The following CBFA2T2 variants were observed in gnomAD, a reference collection of about 807,000 sequenced individuals.
CBFA2T2 encodes CBFA2/RUNX1 partner transcriptional co-repressor 2.
Under a neutral mutation model 62.2 loss-of-function variants are expected in CBFA2T2, and 11 were observed. That is an observed-to-expected ratio of 0.18 (90% CI 0.11 to 0.29). CBFA2T2 has a LOEUF of 0.29. Among genes scored for constraint, CBFA2T2 ranks in the 10% least tolerant of loss-of-function variants. The pLI is 1.00. For synonymous variants in CBFA2T2, 295 were observed against 287.5 expected, an observed-to-expected ratio of 1.03 and a Z score of -0.27; for missense variants, 592 against 774.1, an observed-to-expected ratio of 0.76 and a Z score of 2.79.
intron 1 of CBFA2T2, among the ~76,000 whole-genome samples, chr20:33,540,997 A>C (rs924317314): frequency 6.6e-6 from 1 of 152,212 alleles, no homozygotes; most frequent in Non-Finnish European, 1.5e-5. Flanking sequence ...AAGTTAATAA[A>C]GTAATTTGAA....
At chr20:33,534,307 T>C (rs979449563) in intron 1 of CBFA2T2, among the ~76,000 whole-genome samples, 5 of 150,800 alleles carry the variant, frequency 3.3e-5, no homozygotes, top group African/African-American at 1.2e-4. Context: ...CATTGTTTAT[T>C]TTCTTGCTGT....
chr20:33,623,057 G>C (rs2016054524), intron 4 of CBFA2T2, 58 bp from the exon 5 acceptor site: 1 of 1,547,288 alleles, frequency 6.5e-7, no homozygotes, highest in African/African-American at 1.4e-5. Context: ...AGCCCTTTGA[G>C]GTGCTGAGCC....
intron 1 of CBFA2T2, among the ~76,000 whole-genome samples, chr20:33,597,994 C>T (rs990733877): frequency 2.6e-5 from 4 of 151,880 alleles, no homozygotes; most frequent in African/African-American, 9.7e-5. Context: ...TGATGCCCCA[C>T]AAGCCGCAAA....
At chr20:33,619,969 G>C (rs1033059383) in intron 4 of CBFA2T2, among the ~76,000 whole-genome samples, 2 of 152,156 alleles carry the variant, frequency 1.3e-5, no homozygotes, top group Admixed American at 6.5e-5. Flanking sequence ...AGTGTTGTCT[G>C]AGAGGCTGTC....
chr20:33,576,738 C>G (rs2013843985), intron 1 of CBFA2T2, among the ~76,000 whole-genome samples: 1 of 152,272 alleles, frequency 6.6e-6, no homozygotes, highest in Admixed American at 6.5e-5. Context: ...GAGCTAACAG[C>G]TCGACATCTG....
In CBFA2T2 at chr20:33,594,010, A is replaced by T. The variant is rs560993792; in HGVS notation, c.35-12946A>T. 4.6e-5 allele frequency among the ~76,000 whole-genome samples: 7 copies of T among 152,298 alleles called. No homozygotes were observed. In the South Asian group the frequency reaches 1.5e-3, roughly 32 times the overall value. On this transcript the variant is annotated intron_variant, in intron 1 of 10. Transcript: ENST00000342704. The stretch of plus-strand genomic sequence containing the variant: ...ATTAGAAGAGTTCAGGTCTGTGGGA[A>T]GATCTGTTTTAGGTTTTAAATCAGC...
intron 1 of CBFA2T2, among the ~76,000 whole-genome samples, chr20:33,561,657 A>G (rs1184908546): frequency 6.6e-6 from 1 of 152,126 alleles, no homozygotes; most frequent in Non-Finnish European, 1.5e-5. Flanking sequence ...TTGTTCTTAA[A>G]ATATTTTTTA....
chr20:33,559,941 C>T (rs890635419), intron 1 of CBFA2T2, among the ~76,000 whole-genome samples: 4 of 152,172 alleles, frequency 2.6e-5, no homozygotes, highest in African/African-American at 9.7e-5. Flanking sequence ...ATTTTCTGCC[C>T]TATACCTGGA....
intron 8 of CBFA2T2, 40 bp downstream of exon 8, chr20:33,629,954 G>T (rs1394657704): frequency 3.3e-6 from 5 of 1,519,182 alleles, no homozygotes; most frequent in Non-Finnish European, 4.4e-6. Context: ...ATAAATGTCA[G>T]CCTTTAGAGC....
chr20:33,595,512 A>C (rs1278926736), intron 1 of CBFA2T2, among the ~76,000 whole-genome samples: 1 of 150,088 alleles, frequency 6.7e-6, no homozygotes, highest in Admixed American at 6.6e-5. Context: ...GCCTAGCTTA[A>C]AAATCTTATA....
In CBFA2T2 at chr20:33,501,630, CT is replaced by C. The variant is rs869281966; in HGVS notation, c.34+11357del. Among the ~76,000 whole-genome samples, 577 of 63,134 alleles carry C rather than the reference CT, an allele frequency of 9.1e-3. 2 individuals carry two copies. Among genetic ancestry groups the C allele is most frequent in the African/African-American group, 0.039 (553 of 14,014 alleles). 41.4% of individuals were successfully genotyped at this position (63,134 alleles called of 152,430 possible). On this transcript the variant is annotated intron_variant, in intron 1 of 10. Coordinates refer to ENST00000342704, the MANE Select transcript of CBFA2T2 (RefSeq NM_001032999.3). ...AGTTGAAACTATATTCTTAGCCTTC[CT>C]TTTTTTTTTTTTTTTTTTTTTTTTT...
At chr20:33,637,626 TTAAG>T (rs1206395884) in intron 9 of CBFA2T2, among the ~76,000 whole-genome samples, 1 of 152,184 alleles carries the variant, frequency 6.6e-6, no homozygotes, top group Non-Finnish European at 1.5e-5. Context: ...ATATAAGAAA[TTAAG>T]TGAGTACCTG....
intron 5 of CBFA2T2, among the ~76,000 whole-genome samples, 186 bp downstream of exon 5, chr20:33,623,482 T>A (rs752657913): frequency 7.9e-5 from 12 of 152,228 alleles, no homozygotes; most frequent in Non-Finnish European, 1.2e-4. Flanking sequence ...AGCCTCCATC[T>A]CCTGGGCTCA....
intron 1 of CBFA2T2, among the ~76,000 whole-genome samples, chr20:33,496,520 A>C (rs1029889397): frequency 6.6e-6 from 1 of 152,328 alleles, no homozygotes; most frequent in Admixed American, 6.5e-5. Context: ...TAGGAAGTTC[A>C]TTAGTGTCGA....
At chr20:33,497,764 A>G (rs1327945109) in intron 1 of CBFA2T2, among the ~76,000 whole-genome samples, 21 of 151,852 alleles carry the variant, frequency 1.4e-4, no homozygotes, top group Admixed American at 1.3e-3. Context: ...TGGCCAGGCT[A>G]GTCTCGATCA....
At position 33,539,687 on chromosome 20, in the gene CBFA2T2, GT is replaced by G. The variant is rs34591002; in HGVS notation, c.34+49400del. Among the ~76,000 whole-genome samples the G allele has an allele frequency of 3.0e-3, 413 of 138,354 alleles. 1 individual carries two copies. The highest frequency in any genetic ancestry group is 7.6e-3 in the Middle Eastern group (2 of 264). 90.8% of individuals were successfully genotyped at this position (138,354 alleles called of 152,430 possible). ...AAGTAAGGTTTTTTTTGTTTTTTGT[GT>G]TTTTTTTTTTTTTGGTAGAAGACAG... On this transcript the variant is annotated intron_variant, in intron 1 of 10. Coordinates refer to ENST00000342704, the MANE Select transcript of CBFA2T2 (RefSeq NM_001032999.3).
chr20:33,528,328 A>C (rs1201525749), intron 1 of CBFA2T2, among the ~76,000 whole-genome samples: 1 of 152,248 alleles, frequency 6.6e-6, no homozygotes. Context: ...AAGACAGATG[A>C]AGATGAGGAC....
rs869281966 is a variant in CBFA2T2 at position 33,501,630 on chromosome 20, CTTTT to C, written c.34+11354_34+11357del. Among the ~76,000 whole-genome samples the C allele has an allele frequency of 9.5e-3, 603 of 63,168 alleles. 3 individuals carry two copies. Among genetic ancestry groups the C allele is most frequent in the African/African-American group, 0.04 (567 of 14,048 alleles). The allele number at this position is 63,168 out of a possible 152,430, so 41.4% of individuals were successfully genotyped here. On this transcript the variant is annotated intron_variant, in intron 1 of 10. Transcript: ENST00000342704. ...AGTTGAAACTATATTCTTAGCCTTC[CTTTT>C]TTTTTTTTTTTTTTTTTTTTTTTTG...
Position 33,598,355 on chromosome 20 carries a change from G to A in CBFA2T2, c.35-8601G>A, listed in dbSNP as rs117859027. Among the ~76,000 whole-genome samples, 831 of 152,246 alleles carry A rather than the reference G, an allele frequency of 5.5e-3. 4 individuals carry two copies. Among genetic ancestry groups the A allele is most frequent in the Non-Finnish European group, 9.0e-3 (609 of 68,016 alleles). ...AGAGACAGGCGCACCTAGGGGGGCC[G>A]TTTATAAGCCTATACATCCAGGCGC... On this transcript the variant is annotated intron_variant, in intron 1 of 10. Coordinates refer to ENST00000342704, the MANE Select transcript of CBFA2T2 (RefSeq NM_001032999.3).
Sources: gnomAD v4.1 joint callset for allele counts (sites outside exome capture counted in the v4.1 genomes callset) on GRCh38, gnomAD v4.1.1 for gene constraint, MANE v1.5 for transcripts, NCBI Gene and HGNC (gene_info 2026-07-23, HGNC 2026-07-21) for gene names.